Variants in B4GALNT4 observed in about 807,000 individuals in gnomAD.
B4GALNT4 encodes the protein N-acetyl-beta-glucosaminyl-glycoprotein 4-beta-N-acetylgalactosaminyltransferase 1.
In B4GALNT4, 77 loss-of-function variants were observed where a neutral mutation model predicts 110.0. The ratio of observed to expected loss-of-function variants is 0.70; its 90% CI spans 0.58 to 0.85. The LOEUF (loss-of-function observed/expected upper bound fraction) is 0.85. Ranked by LOEUF, B4GALNT4 falls within the 40% of genes least tolerant of loss-of-function variation. B4GALNT4 has a pLI of 0.00. For synonymous variants in B4GALNT4, 785 were observed against 655.5 expected (o/e 1.20, Z -3.02); for missense variants, 1,575 against 1,506.0 (o/e 1.05, Z -0.76).
rs779593944 is a variant in B4GALNT4, at chr11:376,315, G to T, written c.1261G>T (p.Val421Leu). Residue 421 changes from valine to leucine, a missense_variant, in exon 13 of 20, where the codon GTG becomes TTG. Transcript: ENST00000329962. ...GGGGGATGAGGATGAAGAAGACGAG[G>T]TGCAGCGCCGAGCCTTCCTCTTCCT... is the stretch of plus-strand genomic sequence containing the variant. The part of the protein sequence containing the change: ...EEGDEDEEDE[V>L]QRRAFLFLNP... 1.9e-6 allele frequency: 3 copies of T among 1,610,178 alleles called. No individual in the cohort carries two copies. The East Asian group carries it at 6.7e-5, about 36-fold the overall frequency.
intron 3 of B4GALNT4, 37 bp from the exon 4 acceptor site, chr11:372,815 G>A (rs1846641918): frequency 6.7e-7 from 1 of 1,481,554 alleles, no homozygotes; most frequent in Non-Finnish European, 9.1e-7. Flanking sequence ...CGGGGGGGCG[G>A]CGGGCCGTGC....
At chr11:372,977 G>A (rs1398625959) in intron 4 of B4GALNT4, 30 bp downstream of exon 4, 2 of 1,612,286 alleles carry the variant, frequency 1.2e-6, no homozygotes, top group African/African-American at 2.7e-5. Context: ...GGTGCCGGGT[G>A]GGCAGGGCAC....
Position 379,404 on chromosome 11 carries a change from G to C in B4GALNT4, c.2205-14G>C. 6.7e-7 allele frequency: 1 copy of C among 1,491,058 alleles called. No homozygotes were observed. 92.4% of individuals were successfully genotyped at this position (1,491,058 alleles called of 1,614,324 possible). A position where few individuals can be genotyped will look rare whatever the true frequency, so the allele number is the denominator to read the frequency against. On this transcript the variant is annotated splice_polypyrimidine_tract_variant and intron_variant, in intron 14 of 19. Transcript: ENST00000329962. Reference sequence around the variant, plus strand: ...CTGGAAGCCCCAGTACCGGCTGACCGCTGAGCCTTGCAGGCGCTTCGCGCT... The same window carrying C: ...CTGGAAGCCCCAGTACCGGCTGACCCCTGAGCCTTGCAGGCGCTTCGCGCT...
At chr11:380,571 G>A (rs777219663) in intron 18 of B4GALNT4, 126 bp downstream of exon 18, 22 of 1,393,456 alleles carry the variant, frequency 1.6e-5, no homozygotes, top group South Asian at 2.5e-5. Flanking sequence ...GCTCCCCGTA[G>A]TGCCCAGAGC....
chr11:377,073 G>C lies in B4GALNT4; in HGVS notation c.1950G>C (p.Glu650Asp), dbSNP rs751769045. The change falls in exon 14 of 20, where the codon GAG (glutamate) becomes GAC (aspartate). Residue 650 changes from glutamate to aspartate, a missense_variant. Transcript: ENST00000329962. ...AGGGCGAAGAGGAGGAGGAAGGGGAGGACGATGGGGCCCCGGGCGACGAGG... is the reference window on the plus strand; with the variant it reads ...AGGGCGAAGAGGAGGAGGAAGGGGACGACGATGGGGCCCCGGGCGACGAGG... ...PGEGEEEEEG[E>D]DDGAPGDEAA... The C allele has an allele frequency of 6.9e-7, 1 of 1,445,398 alleles. No homozygotes were observed. The highest frequency in any genetic ancestry group is 2.7e-5 in the East Asian group (1 of 36,786). The allele number at this position is 1,445,398 out of a possible 1,614,324, so 89.5% of individuals were successfully genotyped here.
chr11:369,672 G>A lies in B4GALNT4; in HGVS notation c.-132G>A, dbSNP rs1846573937. 2.7e-6 allele frequency: 1 copy of A among 374,960 alleles called. No individual in the cohort carries two copies. The highest frequency in any genetic ancestry group is 3.6e-6 in the Non-Finnish European group (1 of 276,124). 23.2% of individuals were successfully genotyped at this position (374,960 alleles called of 1,614,324 possible). On this transcript the variant is annotated 5_prime_UTR_variant, in exon 1 of 20. Transcript: ENST00000329962. The stretch of plus-strand genomic sequence containing the variant: ...GCCGCACCCGGTGGCCGCGCACGGC[G>A]GACAAAGGACCATGCGGGGCCGCGG...
rs1846644670 is a variant in B4GALNT4 at position 372,932 on chromosome 11, C to T, written c.429C>T (p.Phe143=). ...AVGHLRRNLH[F]PLFPHTRTTV... ...GCCACCTGAGGAGGAACCTGCACTT[C>T]CCGCTGTTCCCTCATGTGAGTGCCG... Residue 143 remains phenylalanine (F), a synonymous_variant, in exon 4 of 20, where the codon TTC becomes TTT. Transcript: ENST00000329962. 1.2e-6 allele frequency: 2 copies of T among 1,612,060 alleles called. No individual in the cohort carries two copies. Among genetic ancestry groups the T allele is most frequent in the Non-Finnish European group, 1.7e-6 (2 of 1,179,770 alleles).
Position 380,151 on chromosome 11 carries a change from C to G in B4GALNT4, c.2664C>G (p.Thr888=), listed in dbSNP as rs766736545. The G allele has an allele frequency of 2.4e-5, 39 of 1,603,756 alleles. No individual in the cohort carries two copies. In the Admixed American group the frequency reaches 3.0e-4, roughly 12 times the overall value. ...CCAGGTACCAGTACCTGAGACGAAC[C>G]GGGAACTTCGAGCGCTCCGCCGGGC... is the stretch of plus-strand genomic sequence containing the variant. The part of the protein sequence containing the change: ...RLPRYQYLRR[T]GNFERSAGLQ... The change falls in exon 17 of 20, where the codon ACC becomes ACG. Residue 888 remains threonine, a synonymous_variant. Transcript: ENST00000329962.
intron 8 of B4GALNT4, 121 bp downstream of exon 8, chr11:373,949 T>G: frequency 9.9e-7 from 1 of 1,011,580 alleles, no homozygotes; most frequent in Non-Finnish European, 1.5e-6. Context: ...GCCATGGGCC[T>G]GAGGTCAGGA....
chr11:375,564 G>C, intron 9 of B4GALNT4, 37 bp downstream of exon 9: 3 of 1,606,156 alleles, frequency 1.9e-6, no homozygotes, highest in African/African-American at 1.3e-5. Context: ...GGGGCTCCTC[G>C]GGATGGGCTC....
rs1465038456 is a variant in B4GALNT4 at position 381,938 on chromosome 11, G to A, written c.*146G>A. 14 of 991,342 alleles carry A rather than the reference G, an allele frequency of 1.4e-5. No individual in the cohort carries two copies. The highest frequency in any genetic ancestry group is 7.0e-5 in the South Asian group (3 of 42,978). The allele number at this position is 991,342 out of a possible 1,614,324, so 61.4% of individuals were successfully genotyped here. A position where few individuals can be genotyped will look rare whatever the true frequency, so the allele number is the denominator to read the frequency against. On this transcript the variant is annotated 3_prime_UTR_variant, in exon 20 of 20. Coordinates refer to ENST00000329962, the MANE Select transcript of B4GALNT4 (RefSeq NM_178537.5). The stretch of plus-strand genomic sequence containing the variant: ...CCTGCCCCTCTCTGGCCCACTGGGC[G>A]TCGTGCCCCTCCCCGGAGAGGCAGC...
At position 382,076 on chromosome 11, in the gene B4GALNT4, T is replaced by C. The variant is rs1846887464; in HGVS notation, c.*284T>C. ...ATTTCCAAGAGTTCTGTCTGTTCTG[T>C]TTTTTATTCAGAATGAAATGAAATA... On this transcript the variant is annotated 3_prime_UTR_variant, in exon 20 of 20. Coordinates refer to ENST00000329962, the MANE Select transcript of B4GALNT4 (RefSeq NM_178537.5). 6.6e-6 allele frequency: 2 copies of C among 302,284 alleles called. No individual in the cohort carries two copies. The highest frequency in any genetic ancestry group is 1.2e-5 in the Non-Finnish European group (2 of 163,736). The allele number at this position is 302,284 out of a possible 1,614,324, so 18.7% of individuals were successfully genotyped here.
Position 369,665 on chromosome 11 carries a change from G to A in B4GALNT4, c.-139G>A. 5.9e-6 allele frequency: 2 copies of A among 341,840 alleles called. No homozygotes were observed. Among genetic ancestry groups the A allele is most frequent in the Non-Finnish European group, 4.1e-6 (1 of 246,022 alleles). 21.2% of individuals were successfully genotyped at this position (341,840 alleles called of 1,614,324 possible). A position where few individuals can be genotyped will look rare whatever the true frequency, so the allele number is the denominator to read the frequency against. On this transcript the variant is annotated 5_prime_UTR_variant, in exon 1 of 20. Coordinates refer to ENST00000329962, the MANE Select transcript of B4GALNT4 (RefSeq NM_178537.5). The stretch of plus-strand genomic sequence containing the variant: ...GGTCGCGGCCGCACCCGGTGGCCGC[G>A]CACGGCGGACAAAGGACCATGCGGG...
chr11:381,207 G>A (rs1173612706), intron 19 of B4GALNT4: 1 of 939,656 alleles, frequency 1.1e-6, no homozygotes, highest in African/African-American at 1.8e-5. Flanking sequence ...ATAGGCCCTG[G>A]GTGGCCCTGA....
rs1286767388 is a variant in B4GALNT4, at chr11:376,246, C to T, written c.1197-5C>T. 6.2e-7 allele frequency: 1 copy of T among 1,608,358 alleles called. No individual in the cohort carries two copies. Among genetic ancestry groups the T allele is most frequent in the South Asian group, 1.1e-5 (1 of 90,848 alleles). On this transcript the variant is annotated splice_region_variant and splice_polypyrimidine_tract_variant and intron_variant, in intron 12 of 19. Coordinates refer to ENST00000329962, the MANE Select transcript of B4GALNT4 (RefSeq NM_178537.5). Reference sequence around the variant, plus strand: ...ACTCGGCTCTGATGCCCCGCCGCGCCCCAGGTTTGGGTTCTATAAATACAT... The same window carrying T: ...ACTCGGCTCTGATGCCCCGCCGCGCTCCAGGTTTGGGTTCTATAAATACAT...
rs1025551587 is a variant in B4GALNT4, at chr11:377,106, G to T, written c.1983G>T (p.Ser661=). 1 of 1,477,424 alleles carries T rather than the reference G, an allele frequency of 6.8e-7. No homozygotes were observed. Among genetic ancestry groups the T allele is most frequent in the Admixed American group, 2.5e-5 (1 of 39,904 alleles). The allele number at this position is 1,477,424 out of a possible 1,614,324, so 91.5% of individuals were successfully genotyped here. A position where few individuals can be genotyped will look rare whatever the true frequency, so the allele number is the denominator to read the frequency against. ...DDGAPGDEAA[S]EDSEEAAGPA... Reference sequence around the variant, plus strand: ...GGGCCCCGGGCGACGAGGCCGCGTCGGAGGACAGCGAGGAGGCCGCGGGCC... The same window carrying T: ...GGGCCCCGGGCGACGAGGCCGCGTCTGAGGACAGCGAGGAGGCCGCGGGCC... Residue 661 remains serine (S), a synonymous_variant, in exon 14 of 20, where the codon TCG becomes TCT. Coordinates refer to ENST00000329962, the MANE Select transcript of B4GALNT4 (RefSeq NM_178537.5).
intron 14 of B4GALNT4, 73 bp downstream of exon 14, chr11:377,400 T>A: frequency 7.1e-7 from 1 of 1,402,596 alleles, no homozygotes; most frequent in South Asian, 1.5e-5. Context: ...GGTCCTGGCC[T>A]TGGCGGACTC....
At chr11:381,390 C>A (rs1405432223) in intron 19 of B4GALNT4, among the ~76,000 whole-genome samples, 2 of 52,990 alleles carry the variant, frequency 3.8e-5, no homozygotes. Context: ...GGTTCCTGAC[C>A]ACCTCTCCGC....
At position 379,523 on chromosome 11, in the gene B4GALNT4, C is replaced by T. The variant is rs775598427; in HGVS notation, c.2310C>T (p.Arg770=). The T allele has an allele frequency of 8.8e-6, 14 of 1,583,256 alleles. No homozygotes were observed. Among genetic ancestry groups the T allele is most frequent in the Non-Finnish European group, 1.2e-5 (14 of 1,169,772 alleles). Residue 770 remains arginine, a synonymous_variant, in exon 15 of 20, where the codon CGC becomes CGT. Transcript: ENST00000329962. ...ELELQERGGG[R]LRLSEYVFLR... ...AGCTGCAGGAGCGCGGGGGCGGCCG[C>T]CTGCGACTGTCCGAGTACGTCTTCC...
Sources: gnomAD v4.1 joint callset for allele counts (sites outside exome capture counted in the v4.1 genomes callset) on GRCh38, gnomAD v4.1.1 for gene constraint, MANE v1.5 for transcripts, NCBI Gene and HGNC (gene_info 2026-07-23, HGNC 2026-07-21) for gene names.